GALNTL6: variants seen among roughly 807,000 people sequenced by gnomAD.
GALNTL6 encodes the protein polypeptide N-acetylgalactosaminyltransferase-like 6.
Under a neutral mutation model 73.7 loss-of-function variants are expected in GALNTL6, and 46 were observed. The observed-to-expected ratio is 0.62, with a 90% CI of 0.49 to 0.80. GALNTL6 has a LOEUF of 0.80. Among genes scored for constraint, GALNTL6 ranks in the 30% least tolerant of loss-of-function variants. The pLI, the probability that GALNTL6 is intolerant of heterozygous loss-of-function variation, is 0.00. For missense variants in GALNTL6, 604 were observed against 755.0 expected (o/e 0.80, Z 2.34); for synonymous variants, 259 against 263.7 (o/e 0.98, Z 0.17).
chr4:172,732,288 A>T (rs1736196182), intron 5 of GALNTL6, among the ~76,000 whole-genome samples: 1 of 152,002 alleles, frequency 6.6e-6, no homozygotes, highest in South Asian at 2.1e-4. Context: ...TTTTATAGTG[A>T]TCTTCCTTGT....
At chr4:172,939,091 A>T (rs1748778630) in intron 9 of GALNTL6, among the ~76,000 whole-genome samples, 1 of 152,140 alleles carries the variant, frequency 6.6e-6, no homozygotes. Flanking sequence ...ATCACTTGAG[A>T]ACAGGCTGGG....
At chr4:172,211,542 AT>A (rs1453047707) in intron 2 of GALNTL6, among the ~76,000 whole-genome samples, 1 of 152,172 alleles carries the variant, frequency 6.6e-6, no homozygotes, top group African/African-American at 2.4e-5. Flanking sequence ...TTATATTAAT[AT>A]TGTTAAATTC....
At chr4:171,817,735 A>T (rs1734557969) in intron 2 of GALNTL6, among the ~76,000 whole-genome samples, 1 of 151,686 alleles carries the variant, frequency 6.6e-6, no homozygotes, top group Admixed American at 6.6e-5. Context: ...TATTTATTTC[A>T]AAGTTTTTCT....
intron 11 of GALNTL6, among the ~76,000 whole-genome samples, chr4:173,019,601 A>G (rs1264431561): frequency 6.6e-6 from 1 of 152,220 alleles, no homozygotes; most frequent in Non-Finnish European, 1.5e-5. Flanking sequence ...TCAGTCCACA[A>G]TTATACTTTA....
intron 7 of GALNTL6, among the ~76,000 whole-genome samples, chr4:172,819,383 A>T (rs915275866): frequency 7.2e-5 from 11 of 152,264 alleles, no homozygotes; most frequent in Non-Finnish European, 1.6e-4. Context: ...ATTTAGGCTT[A>T]GAATAAAATC....
At chr4:172,637,728 A>C (rs1209250675) in intron 5 of GALNTL6, among the ~76,000 whole-genome samples, 1 of 152,154 alleles carries the variant, frequency 6.6e-6, no homozygotes, top group African/African-American at 2.4e-5. Context: ...AAAAGCAAAT[A>C]ACTTATTGGG....
At chr4:172,875,469 T>A (rs925407010) in intron 7 of GALNTL6, among the ~76,000 whole-genome samples, 7 of 152,106 alleles carry the variant, frequency 4.6e-5, no homozygotes, top group African/African-American at 1.7e-4. Flanking sequence ...GGAAATGACT[T>A]AAGAAAATAA....
At chr4:172,978,626 G>T (rs1405452886) in intron 10 of GALNTL6, among the ~76,000 whole-genome samples, 1 of 152,164 alleles carries the variant, frequency 6.6e-6, no homozygotes, top group Non-Finnish European at 1.5e-5. Flanking sequence ...TGCGTAAAAT[G>T]AGCAAATAAA....
At chr4:172,101,392 C>T (rs1732515208) in intron 2 of GALNTL6, among the ~76,000 whole-genome samples, 2 of 152,140 alleles carry the variant, frequency 1.3e-5, no homozygotes, top group South Asian at 4.1e-4. Context: ...CTCACCTATA[C>T]GTTTCTTTGC....
chr4:172,786,883 A>C (rs1739688578), intron 5 of GALNTL6, among the ~76,000 whole-genome samples: 1 of 152,184 alleles, frequency 6.6e-6, no homozygotes, highest in Admixed American at 6.5e-5. Context: ...AAGTAGACTG[A>C]GCCATGTCAA....
chr4:172,952,106 T>C lies in GALNTL6; in HGVS notation c.1219T>C (p.Tyr407His), dbSNP rs1202310929. 1.2e-6 allele frequency: 2 copies of C among 1,613,684 alleles called. No homozygotes were observed. The highest frequency in any genetic ancestry group is 1.7e-6 in the Non-Finnish European group (2 of 1,179,958). Reference sequence around the variant, plus strand: ...GTACATTTACCAGCGGCGGCCGGAGTACAGGCATCTCTCCACGGGGGACAT... The same window carrying C: ...GTACATTTACCAGCGGCGGCCGGAGCACAGGCATCTCTCCACGGGGGACAT... ...AEYIYQRRPE[Y>H]RHLSTGDISA... Residue 407 changes from tyrosine (Y) to histidine (H), a missense_variant, in exon 10 of 13, where the codon TAC becomes CAC. Tyr to His is a moderately conservative substitution (Grantham distance 83). Coordinates refer to ENST00000506823, the MANE Select transcript of GALNTL6 (RefSeq NM_001034845.3).
chr4:172,967,492 C>CTT (rs139645734), intron 10 of GALNTL6, among the ~76,000 whole-genome samples: 9 of 148,666 alleles, frequency 6.1e-5, no homozygotes, highest in African/African-American at 1.2e-4. Context: ...TTTGCCTATG[C>CTT]TTTTTTTTTT....
chr4:172,558,037 TC>T (rs1278671083), intron 5 of GALNTL6, among the ~76,000 whole-genome samples: 2 of 152,162 alleles, frequency 1.3e-5, no homozygotes, highest in Non-Finnish European at 2.9e-5. Flanking sequence ...CACAGTATGT[TC>T]ATATAATGCA....
At chr4:172,644,608 AC>A (rs1450148869) in intron 5 of GALNTL6, among the ~76,000 whole-genome samples, 13 of 152,094 alleles carry the variant, frequency 8.5e-5, no homozygotes, top group African/African-American at 3.1e-4. Context: ...ATATAAATAT[AC>A]CACAATGTAC....
chr4:171,983,060 T>C (rs945017005), intron 2 of GALNTL6, among the ~76,000 whole-genome samples: 3 of 152,160 alleles, frequency 2.0e-5, no homozygotes, highest in Non-Finnish European at 4.4e-5. Context: ...AAAACCCTTT[T>C]GAAAAAAACT....
chr4:172,678,803 A>T (rs1237085490), intron 5 of GALNTL6, among the ~76,000 whole-genome samples: 1 of 152,196 alleles, frequency 6.6e-6, no homozygotes, highest in East Asian at 1.9e-4. Flanking sequence ...AGGAGTGTCT[A>T]GCTCTAGCGA....
In GALNTL6 at chr4:172,669,583, TAGAG is replaced by T. The variant is rs558224156; in HGVS notation, c.554-139776_554-139773del. Among the ~76,000 whole-genome samples the T allele has an allele frequency of 6.6e-4, 101 of 152,330 alleles. 1 individual carries two copies. Among genetic ancestry groups the T allele is most frequent in the African/African-American group, 2.4e-3 (101 of 41,580 alleles). ...TGGCCAAGTTAAGTTGTTACGGAATTAGAGAATTTTGGAATTTTTTTGTAAGTGT... is the reference window on the plus strand; with the variant it reads ...TGGCCAAGTTAAGTTGTTACGGAATTAATTTTGGAATTTTTTTGTAAGTGT... On this transcript the variant is annotated intron_variant, in intron 5 of 12. Coordinates refer to ENST00000506823, the MANE Select transcript of GALNTL6 (RefSeq NM_001034845.3).
At chr4:172,667,845 T>TTA (rs1731755638) in intron 5 of GALNTL6, 1 of 152,256 alleles carries the variant, frequency 6.6e-6, no homozygotes, top group African/African-American at 2.4e-5. Flanking sequence ...TCACTCCTGC[T>TTA]TATCACTGGG....
chr4:172,142,040 C>T (rs972720673), intron 2 of GALNTL6, among the ~76,000 whole-genome samples: 2 of 151,936 alleles, frequency 1.3e-5, no homozygotes, highest in Non-Finnish European at 2.9e-5. Context: ...TAGTGGCACA[C>T]TTCCTAGATT....
Sources: allele counts gnomAD v4.1 joint callset (sites outside exome capture counted in the v4.1 genomes callset), GRCh38; gene constraint gnomAD v4.1.1; transcripts MANE v1.5; gene names NCBI Gene and HGNC (gene_info 2026-07-23, HGNC 2026-07-21).